Variants in ZNF862 observed in about 807,000 individuals in gnomAD.
The protein encoded by ZNF862 is zinc finger protein 862.
In ZNF862, 64 loss-of-function variants were observed where a neutral mutation model predicts 91.1. The observed-to-expected ratio is 0.70, with a 90% CI of 0.57 to 0.87. ZNF862 has a LOEUF of 0.87. Ranked by LOEUF, ZNF862 falls within the 40% of genes least tolerant of loss-of-function variation. ZNF862 has a pLI of 0.00. For missense variants in ZNF862, 1,459 were observed against 1,528.0 expected (o/e 0.95, Z 0.75); for synonymous variants, 631 against 618.1 (o/e 1.02, Z -0.31).
Position 149,850,419 on chromosome 7 carries a change from C to A in ZNF862, c.1117+81C>A. ...AAGGGGAGCTGTGGCTTGTGGTTAT[C>A]TTCCCATTCCTGCCCCCTCCCTGTG... On this transcript the variant is annotated intron_variant, in intron 5 of 7. Transcript: ENST00000223210. This position sits in a 1 kb window ranked among gnomAD's most constrained non-coding sequence, Gnocchi z 4.2. The A allele has an allele frequency of 7.1e-7, 1 of 1,408,726 alleles. No homozygotes were observed. The allele number at this position is 1,408,726 out of a possible 1,614,324, so 87.3% of individuals were successfully genotyped here. A position where few individuals can be genotyped will look rare whatever the true frequency, so the allele number is the denominator to read the frequency against.
In ZNF862 at chr7:149,861,301, A is replaced by T; in HGVS notation, c.2141A>T (p.Glu714Val). Reference protein sequence around the residue: ...CRGGLVEKFQEVIPQLLPVHC... With the variant: ...CRGGLVEKFQVVIPQLLPVHC... Reference sequence around the variant, plus strand: ...GGAGGCCTTGTGGAAAAGTTCCAGGAGGTCATCCCGCAGCTGCTGCCTGTC... The same window carrying T: ...GGAGGCCTTGTGGAAAAGTTCCAGGTGGTCATCCCGCAGCTGCTGCCTGTC... The change falls in exon 7 of 8, where the codon GAG becomes GTG. Residue 714 changes from glutamate to valine, a missense_variant. Glu to Val is a moderately radical substitution (Grantham distance 121, BLOSUM62 -2). Coordinates refer to ENST00000223210, the MANE Select transcript of ZNF862 (RefSeq NM_001099220.3). The surrounding 1 kb of genome is among the most constrained non-coding windows in gnomAD (Gnocchi z 6.7). The T allele has an allele frequency of 6.2e-7, 1 of 1,612,782 alleles. No homozygotes were observed. Among genetic ancestry groups the T allele is most frequent in the Non-Finnish European group, 8.5e-7 (1 of 1,179,816 alleles).
rs1247301629 is a variant in ZNF862 at position 149,838,411 on chromosome 7, TCTCAG to T, written c.-194_-190del. On this transcript the variant is annotated 5_prime_UTR_variant, in exon 1 of 8. Coordinates refer to ENST00000223210, the MANE Select transcript of ZNF862 (RefSeq NM_001099220.3). ...AGCTGTTCGCTCGGTGCGACGCAAG[TCTCAG>T]CTCAGCGCGCTTATCCTGGGTCCAC... is the stretch of plus-strand genomic sequence containing the variant. 14 of 398,580 alleles carry T rather than the reference TCTCAG, an allele frequency of 3.5e-5. No homozygotes were observed. Among genetic ancestry groups the T allele is most frequent in the Non-Finnish European group, 6.2e-5 (14 of 227,320 alleles). 24.7% of individuals were successfully genotyped at this position (398,580 alleles called of 1,614,324 possible).
rs988882581 is a variant in ZNF862 at position 149,841,222 on chromosome 7, T to G, written c.24+2587T>G. The G allele has an allele frequency of 1.0e-5, 10 of 985,310 alleles. No homozygotes were observed. The African/African-American group carries it at 1.6e-4, about 15-fold the overall frequency. 61.0% of individuals were successfully genotyped at this position (985,310 alleles called of 1,614,324 possible). A position where few individuals can be genotyped will look rare whatever the true frequency, so the allele number is the denominator to read the frequency against. ...GAACAGCATTCTTATGGCTCAGAAC[T>G]GGGAGACTACCTCGTGAGATAGTGG... On this transcript the variant is annotated intron_variant, in intron 1 of 7. Transcript: ENST00000223210.
In ZNF862 at chr7:149,860,755, T is replaced by C. The variant is rs761769030; in HGVS notation, c.1595T>C (p.Val532Ala). ...SKAHRLCVNTVEIKEDTPHTA... is the reference protein window; with the variant it reads ...SKAHRLCVNTAEIKEDTPHTA... ...GCGCACAGGCTCTGTGTCAACACGG[T>C]TGAAATCAAGGAAGACACCCCTCAC... Residue 532 changes from valine (V) to alanine (A), a missense_variant, in exon 7 of 8, where the codon GTT becomes GCT. Transcript: ENST00000223210. The C allele has an allele frequency of 3.7e-6, 6 of 1,613,780 alleles. No homozygotes were observed. Among genetic ancestry groups the C allele is most frequent in the Non-Finnish European group, 4.2e-6 (5 of 1,179,860 alleles).
rs748196410 is a variant in ZNF862 at position 149,860,665 on chromosome 7, G to T, written c.1505G>T (p.Arg502Leu). ...CCTAATCTCCATGATAAATCATCTC[G>T]GTTAGTCAGAGGTTACACGGGGCCT... The part of the protein sequence containing the change: ...ERPNLHDKSS[R>L]LVRGYTGPFK... The change falls in exon 7 of 8, where the codon CGG becomes CTG. Residue 502 changes from arginine to leucine, a missense_variant. Arg to Leu is a moderately radical substitution (Grantham distance 102). Coordinates refer to ENST00000223210, the MANE Select transcript of ZNF862 (RefSeq NM_001099220.3). 1.9e-6 allele frequency: 3 copies of T among 1,613,930 alleles called. No homozygotes were observed. Among genetic ancestry groups the T allele is most frequent in the Non-Finnish European group, 2.5e-6 (3 of 1,179,892 alleles).
chr7:149,857,410 G>A (rs1802298859), intron 5 of ZNF862, among the ~76,000 whole-genome samples: 1 of 151,592 alleles, frequency 6.6e-6, no homozygotes, highest in Non-Finnish European at 1.5e-5. Context: ...GGGTTTTTTA[G>A]TTGCTAAACA....
intron 5 of ZNF862, among the ~76,000 whole-genome samples, chr7:149,854,644 C>T (rs1473189709): frequency 6.6e-6 from 1 of 152,188 alleles, no homozygotes; most frequent in Non-Finnish European, 1.5e-5. Flanking sequence ...AGGGGCCGGC[C>T]AGGCAGGCTC....
At chr7:149,854,101 G>A (rs892866023) in intron 5 of ZNF862, among the ~76,000 whole-genome samples, 4 of 152,180 alleles carry the variant, frequency 2.6e-5, no homozygotes, top group Admixed American at 6.5e-5. Flanking sequence ...CCAGCAGGAC[G>A]CGCTTATAAA....
rs184589685 is a variant in ZNF862, at chr7:149,855,479, G to T, written c.1118-3943G>T. ...TTTCAGAATTTCTGACTCATCCTCA[G>T]TGGGAATGGCGTTGGTGGGTGGGAG... On this transcript the variant is annotated intron_variant, in intron 5 of 7. Transcript: ENST00000223210. The surrounding 1 kb of genome is among the most constrained non-coding windows in gnomAD (Gnocchi z 4.1). 6.6e-6 allele frequency among the ~76,000 whole-genome samples: 1 copy of T among 152,310 alleles called. No individual in the cohort carries two copies. Among genetic ancestry groups the T allele is most frequent in the Non-Finnish European group, 1.5e-5 (1 of 68,030 alleles).
Position 149,864,516 on chromosome 7 carries a change from C to T in ZNF862, c.*232C>T. On this transcript the variant is annotated 3_prime_UTR_variant, in exon 8 of 8. Transcript: ENST00000223210. The stretch of plus-strand genomic sequence containing the variant: ...CAGCACACAAATGTGCCAGAAGGTT[C>T]TATATCTCAAGTTCATTTTTAAGGT... 2.0e-6 allele frequency: 1 copy of T among 507,156 alleles called. No individual in the cohort carries two copies. The highest frequency in any genetic ancestry group is 3.4e-5 in the Admixed American group (1 of 29,350). The allele number at this position is 507,156 out of a possible 1,614,324, so 31.4% of individuals were successfully genotyped here.
At chr7:149,849,228 C>T (rs558831877) in intron 4 of ZNF862, among the ~76,000 whole-genome samples, 19 of 152,304 alleles carry the variant, frequency 1.2e-4, no homozygotes, top group African/African-American at 4.1e-4. Flanking sequence ...CTATTAAACT[C>T]ATCTTGTTGG....
chr7:149,856,639 C>T (rs1802275209), intron 5 of ZNF862, among the ~76,000 whole-genome samples: 1 of 152,222 alleles, frequency 6.6e-6, no homozygotes, highest in Non-Finnish European at 1.5e-5. Context: ...CATTCTTTCT[C>T]TGGAGACTTC....
chr7:149,861,611 TG>T lies in ZNF862; in HGVS notation c.2456del (p.Gly819AlafsTer11). On this transcript the variant is annotated frameshift_variant, in exon 7 of 8. Coordinates refer to ENST00000223210, the MANE Select transcript of ZNF862 (RefSeq NM_001099220.3). LOFTEE classifies it high-confidence loss of function. The surrounding 1 kb of genome is among the most constrained non-coding windows in gnomAD (Gnocchi z 6.7). ...ARHLQRVAEA[G>X]GQIGHRAKGM... ...GGCACCTCCAGAGGGTGGCAGAGGCTGGGGGCCAGATTGGGCACCGGGCCAA... is the reference window on the plus strand; with the variant it reads ...GGCACCTCCAGAGGGTGGCAGAGGCTGGGGCCAGATTGGGCACCGGGCCAA... The T allele has an allele frequency of 1.2e-6, 2 of 1,601,994 alleles. No homozygotes were observed. The highest frequency in any genetic ancestry group is 8.5e-7 in the Non-Finnish European group (1 of 1,176,354).
rs1802212954 is a variant in ZNF862, at chr7:149,855,129, T to C, written c.1118-4293T>C. On this transcript the variant is annotated intron_variant, in intron 5 of 7. Transcript: ENST00000223210. This position sits in a 1 kb window ranked among gnomAD's most constrained non-coding sequence, Gnocchi z 4.1. ...ATGCAAACAATTTACTCTCAAATGGTTCAGAAAAATATTGTAGCTATACGT... is the reference window on the plus strand; with the variant it reads ...ATGCAAACAATTTACTCTCAAATGGCTCAGAAAAATATTGTAGCTATACGT... Among the ~76,000 whole-genome samples the C allele has an allele frequency of 6.6e-6, 1 of 152,172 alleles. No homozygotes were observed. The highest frequency in any genetic ancestry group is 2.1e-4 in the South Asian group (1 of 4,838).
chr7:149,841,561 G>A, intron 1 of ZNF862: 1 of 985,430 alleles, frequency 1.0e-6, no homozygotes, highest in Middle Eastern at 5.2e-4. Flanking sequence ...GTCTCAGGAA[G>A]GAATGCTCAT....
At chr7:149,847,574 G>A (rs991927493) in intron 3 of ZNF862, among the ~76,000 whole-genome samples, 161 bp from the exon 4 acceptor site, 7 of 148,966 alleles carry the variant, frequency 4.7e-5, no homozygotes, top group African/African-American at 1.7e-4. Context: ...GACTTGGCCA[G>A]GACTAGAAGA....
At position 149,847,595 on chromosome 7, in the gene ZNF862, GTGTGTGT is replaced by G. The variant is rs1563117831; in HGVS notation, c.242-139_242-133del. The G allele has an allele frequency of 0.012, 37 of 3,028 alleles. 1 individual carries two copies. The African/African-American group carries it at 0.14, about 11-fold the overall frequency. 0.2% of individuals were successfully genotyped at this position (3,028 alleles called of 1,614,324 possible). On this transcript the variant is annotated intron_variant, in intron 3 of 7. Transcript: ENST00000223210. The stretch of plus-strand genomic sequence containing the variant: ...GCCAGGACTAGAAGAAAATTCAGGT[GTGTGTGT>G]GTGTGTGTGTGTGTGTGTGTGTGTG...
intron 4 of ZNF862, among the ~76,000 whole-genome samples, chr7:149,849,791 T>C (rs765681160): frequency 5.9e-5 from 9 of 152,338 alleles, no homozygotes; most frequent in Non-Finnish European, 1.0e-4. Flanking sequence ...TCCCATCCCA[T>C]TGGGAAATCT....
chr7:149,846,735 G>A (rs912812310), intron 3 of ZNF862, among the ~76,000 whole-genome samples: 16 of 152,172 alleles, frequency 1.1e-4, no homozygotes, highest in Non-Finnish European at 1.6e-4. Context: ...AAATAACTGC[G>A]TTAACCCAGC....
Sources: gnomAD v4.1 joint callset for allele counts (sites outside exome capture counted in the v4.1 genomes callset) on GRCh38, gnomAD v4.1.1 for gene constraint, Gnocchi (gnomAD v3.1) non-coding constraint, MANE v1.5 for transcripts, NCBI Gene and HGNC (gene_info 2026-07-23, HGNC 2026-07-21) for gene names.